PSMD14: variants seen among roughly 807,000 people sequenced by gnomAD.
PSMD14 encodes ubiquitin C-terminal hydrolase PSMD14.
Under a neutral mutation model 41.2 loss-of-function variants are expected in PSMD14, and 7 were observed. The observed-to-expected ratio is 0.17, with a 90% CI of 0.10 to 0.32. The LOEUF (loss-of-function observed/expected upper bound fraction) is 0.32, where lower values mean the gene tolerates loss of function less well. PSMD14 is among the 10% of genes least tolerant of loss of function. PSMD14 has a pLI of 1.00. For synonymous variants in PSMD14, 114 were observed against 122.3 expected, an observed-to-expected ratio of 0.93 and a Z score of 0.45; for missense variants, 139 against 375.6, an observed-to-expected ratio of 0.37 and a Z score of 5.21.
At chr2:161,388,435 A>G (rs1169273258) in intron 8 of PSMD14, among the ~76,000 whole-genome samples, 23 of 152,060 alleles carry the variant, frequency 1.5e-4, no homozygotes, top group Non-Finnish European at 1.5e-5. Context: ...ATTCTTTTAT[A>G]TTATCATTGG....
intron 3 of PSMD14, among the ~76,000 whole-genome samples, chr2:161,327,288 G>A (rs1041674502): frequency 2.0e-5 from 3 of 152,148 alleles, no homozygotes; most frequent in African/African-American, 7.2e-5. Context: ...TCTGGAACTG[G>A]TGTTGGAGAT....
intron 3 of PSMD14, among the ~76,000 whole-genome samples, chr2:161,357,436 A>G (rs1683223434): frequency 6.6e-6 from 1 of 152,088 alleles, no homozygotes; most frequent in Non-Finnish European, 1.5e-5. Context: ...TAGTCTGTTT[A>G]AAGGTATGGA....
chr2:161,342,402 A>G (rs543138355), intron 3 of PSMD14, among the ~76,000 whole-genome samples: 1 of 152,222 alleles, frequency 6.6e-6, no homozygotes, highest in South Asian at 2.1e-4. Flanking sequence ...CGAGATGATT[A>G]TATGACTCCT....
At chr2:161,328,357 T>C (rs1056621345) in intron 3 of PSMD14, among the ~76,000 whole-genome samples, 2 of 152,230 alleles carry the variant, frequency 1.3e-5, no homozygotes, top group South Asian at 4.1e-4. Flanking sequence ...CTTACAAACA[T>C]AGTAAGAGAA....
At chr2:161,322,997 A>G (rs1351923707) in intron 3 of PSMD14, among the ~76,000 whole-genome samples, 1 of 152,112 alleles carries the variant, frequency 6.6e-6, no homozygotes, top group African/African-American at 2.4e-5. Context: ...TTCTCTGCCT[A>G]CAAAGATGTT....
At chr2:161,406,964 T>G (rs17183625) in intron 10 of PSMD14, among the ~76,000 whole-genome samples, 4,501 of 152,276 alleles carry the variant, frequency 0.03, 81 homozygotes, top group Middle Eastern at 0.044. Flanking sequence ...CTTTGTTGTT[T>G]GCAATATTCC....
intron 8 of PSMD14, among the ~76,000 whole-genome samples, chr2:161,389,483 A>G (rs1285120312): frequency 1.3e-5 from 2 of 152,146 alleles, no homozygotes; most frequent in Non-Finnish European, 2.9e-5. Context: ...CTAAAATTTA[A>G]TTCATTGCTT....
chr2:161,310,787 A>G (rs375663445), intron 1 of PSMD14, among the ~76,000 whole-genome samples: 11 of 152,158 alleles, frequency 7.2e-5, no homozygotes, highest in African/African-American at 4.8e-5. Flanking sequence ...GTGACGCCGG[A>G]TTCAAATTGA....
Position 161,411,393 on chromosome 2 carries a change from T to G in PSMD14, c.926T>G (p.Phe309Cys). The G allele has an allele frequency of 6.2e-7, 1 of 1,603,000 alleles. No individual in the cohort carries two copies. Among genetic ancestry groups the G allele is most frequent in the African/African-American group, 1.3e-5 (1 of 74,600 alleles). The change falls in exon 12 of 12, where the codon TTT (phenylalanine) becomes TGT (cysteine). Residue 309 changes from phenylalanine to cysteine, a missense_variant. Around this residue, in one of 4 missense-constraint regions of PSMD14, gnomAD observed 80 missense variants for 138.1 expected, o/e 0.58. Transcript: ENST00000409682. ...GCAGCTATGTTGGATACTGTCGTAT[T>G]TAAATAAAGCAACGAAAAACGCTAT... is the stretch of plus-strand genomic sequence containing the variant. ...CLAAMLDTVV[F>C]K
At chr2:161,385,136 A>G (rs1394288743) in intron 7 of PSMD14, 1 of 161,180 alleles carries the variant, frequency 6.2e-6, no homozygotes, top group African/African-American at 2.4e-5. Flanking sequence ...ATTAGGTAAA[A>G]TTTAGGTGAC....
At chr2:161,360,606 C>T (rs1219501132) in intron 3 of PSMD14, among the ~76,000 whole-genome samples, 2 of 152,154 alleles carry the variant, frequency 1.3e-5, no homozygotes, top group Non-Finnish European at 2.9e-5. Context: ...CCGCTTGCCT[C>T]TGCCTCCCAA....
chr2:161,344,300 T>C (rs1033757536), intron 3 of PSMD14, among the ~76,000 whole-genome samples: 2 of 152,314 alleles, frequency 1.3e-5, no homozygotes, highest in African/African-American at 2.4e-5. Flanking sequence ...TTCTGGAGGC[T>C]GGAAGTTGGA....
At chr2:161,363,013 T>G (rs983580922) in intron 3 of PSMD14, among the ~76,000 whole-genome samples, 6 of 152,254 alleles carry the variant, frequency 3.9e-5, no homozygotes, top group African/African-American at 1.4e-4. Context: ...CATATGAGTC[T>G]GTGACCATAG....
intron 3 of PSMD14, among the ~76,000 whole-genome samples, chr2:161,366,792 T>C (rs1341012594): frequency 2.6e-5 from 4 of 152,216 alleles, no homozygotes; most frequent in Non-Finnish European, 5.9e-5. Context: ...TTTGCTTCCT[T>C]TCAGGAAGAA....
chr2:161,402,271 A>G (rs1326827382), intron 10 of PSMD14, among the ~76,000 whole-genome samples: 1 of 152,224 alleles, frequency 6.6e-6, no homozygotes, highest in Non-Finnish European at 1.5e-5. Context: ...AACTATTTAA[A>G]AAAAGAGAAA....
At chr2:161,389,573 C>T (rs903309132) in intron 8 of PSMD14, among the ~76,000 whole-genome samples, 2 of 152,126 alleles carry the variant, frequency 1.3e-5, no homozygotes, top group East Asian at 3.9e-4. Context: ...TATGGAATTT[C>T]ATAGCTCACT....
chr2:161,389,912 T>TTTTTTTTA (rs1299369817), intron 8 of PSMD14, among the ~76,000 whole-genome samples: 3 of 130,288 alleles, frequency 2.3e-5, no homozygotes, highest in African/African-American at 9.8e-5. Flanking sequence ...TTTTTTTTTT[T>TTTTTTTTA]AGAGATGGGG....
intron 1 of PSMD14, among the ~76,000 whole-genome samples, chr2:161,311,692 C>T (rs1263760257): frequency 7.6e-6 from 1 of 131,730 alleles, no homozygotes; most frequent in Non-Finnish European, 1.5e-5. Flanking sequence ...AGTGCAGTGG[C>T]GTGATCTTGG....
intron 10 of PSMD14, among the ~76,000 whole-genome samples, chr2:161,402,698 GA>G (rs11311339): frequency 1 from 149,698 of 150,022 alleles, 74,688 homozygotes; most frequent in Middle Eastern, 1. Context: ...TTAAAAACAG[GA>G]AAAAAAAAAA....
Sources: allele counts gnomAD v4.1 joint callset (sites outside exome capture counted in the v4.1 genomes callset), GRCh38; gene constraint gnomAD v4.1.1; regional missense constraint gnomAD v4.1.1; transcripts MANE v1.5; gene names NCBI Gene and HGNC (gene_info 2026-07-23, HGNC 2026-07-21).